Variants in SAMD4A observed in about 807,000 individuals in gnomAD.
The protein encoded by SAMD4A is sterile alpha motif domain containing 4A.
SAMD4A carries 33 observed loss-of-function variants against 81.3 expected under a neutral mutation model. The observed-to-expected ratio is 0.41, with a 90% CI of 0.31 to 0.54. The LOEUF is 0.54. Ranked by LOEUF, SAMD4A falls within the 20% of genes least tolerant of loss-of-function variation. The pLI is 0.37. For missense variants in SAMD4A, 854 were observed against 951.1 expected, an observed-to-expected ratio of 0.90 and a Z score of 1.34; for synonymous variants, 389 against 382.1, an observed-to-expected ratio of 1.02 and a Z score of -0.21.
chr14:54,672,999 T>C (rs1279069002), intron 2 of SAMD4A, among the ~76,000 whole-genome samples: 5 of 152,206 alleles, frequency 3.3e-5, no homozygotes, highest in Non-Finnish European at 5.9e-5. Context: ...TCCAGAGAGG[T>C]ACCTGGGACC....
At chr14:54,735,909 TG>T (rs1363800899) in intron 3 of SAMD4A, among the ~76,000 whole-genome samples, 1 of 152,212 alleles carries the variant, frequency 6.6e-6, no homozygotes, top group Non-Finnish European at 1.5e-5. Context: ...GCCTCATGGA[TG>T]GGGATACAGC....
At chr14:54,566,220 G>C (rs1457615754), upstream of SAMD4A, among the ~76,000 whole-genome samples, 1 of 151,152 alleles carries the variant, frequency 6.6e-6, no homozygotes, top group African/African-American at 2.4e-5. Flanking sequence ...GCCCGCGGCC[G>C]GCGCTCCGGG....
chr14:54,592,429 A>T (rs1047053688), intron 2 of SAMD4A, among the ~76,000 whole-genome samples: 6 of 152,074 alleles, frequency 3.9e-5, no homozygotes, highest in Non-Finnish European at 8.8e-5. Flanking sequence ...TTATTACCGA[A>T]GTGAAACATT....
At chr14:54,776,622 T>C in intron 11 of SAMD4A, 82 bp downstream of exon 11, 1 of 1,368,836 alleles carries the variant, frequency 7.3e-7, no homozygotes, top group Admixed American at 2.9e-5. Context: ...AGAAAGTGCT[T>C]AGCCTCGACT....
chr14:54,740,267 A>G (rs144675438), intron 4 of SAMD4A, among the ~76,000 whole-genome samples: 183 of 152,346 alleles, frequency 1.2e-3, no homozygotes, highest in Non-Finnish European at 2.1e-3. Flanking sequence ...TGGCTCTACA[A>G]TCTTTCTTTT....
intron 2 of SAMD4A, among the ~76,000 whole-genome samples, chr14:54,581,786 A>G (rs1296283993): frequency 6.6e-6 from 1 of 152,244 alleles, no homozygotes; most frequent in African/African-American, 2.4e-5. Context: ...AAAGAGGTAA[A>G]CCTAGATAAA....
intron 2 of SAMD4A, among the ~76,000 whole-genome samples, chr14:54,650,601 GC>G (rs2035382904): frequency 6.6e-6 from 1 of 152,120 alleles, no homozygotes; most frequent in Non-Finnish European, 1.5e-5. Context: ...GGTTTCCCCA[GC>G]CCCCAACTGG....
chr14:54,789,099 C>A lies in SAMD4A; in HGVS notation c.*155C>A. On this transcript the variant is annotated 3_prime_UTR_variant, in exon 13 of 13. Transcript: ENST00000554335. ...GTTTTGATTTTGTGAGAGCGTAGGT[C>A]ATCCTCGTAAACATATCAGTAGACC... 3 of 765,878 alleles carry A rather than the reference C, an allele frequency of 3.9e-6. No individual in the cohort carries two copies. In the South Asian group the frequency reaches 4.6e-5, roughly 12 times the overall value. 47.4% of individuals were successfully genotyped at this position (765,878 alleles called of 1,614,324 possible). A position where few individuals can be genotyped will look rare whatever the true frequency, so the allele number is the denominator to read the frequency against.
chr14:54,566,392 C>T (rs1419717915), upstream of SAMD4A, among the ~76,000 whole-genome samples: 2 of 151,858 alleles, frequency 1.3e-5, no homozygotes, highest in Non-Finnish European at 2.9e-5. Context: ...CCCCCTCCGC[C>T]CGAGAAGTTC....
At position 54,792,774 on chromosome 14, in the gene SAMD4A, T is replaced by C. The variant is rs2039280963; in HGVS notation, c.*3830T>C. The C allele has an allele frequency of 6.6e-6, 1 of 152,190 alleles. No individual in the cohort carries two copies. Among genetic ancestry groups the C allele is most frequent in the Non-Finnish European group, 1.5e-5 (1 of 68,028 alleles). 9.4% of individuals were successfully genotyped at this position (152,190 alleles called of 1,614,324 possible). On this transcript the variant is annotated 3_prime_UTR_variant, in exon 13 of 13. Transcript: ENST00000554335. ...GTTTTATTTTTTTGTAATTCCTTTA[T>C]CTTTACTTAAAGGTGAATGTGTATT...
intron 9 of SAMD4A, 48 bp downstream of exon 9, chr14:54,770,270 C>T: frequency 7.8e-7 from 1 of 1,283,600 alleles, no homozygotes; most frequent in Non-Finnish European, 1.1e-6. Context: ...TCCCCTGGCG[C>T]CTTGTTGCCT....
At chr14:54,598,251 T>C (rs1457408254) in intron 2 of SAMD4A, among the ~76,000 whole-genome samples, 1 of 152,206 alleles carries the variant, frequency 6.6e-6, no homozygotes, top group Non-Finnish European at 1.5e-5. Flanking sequence ...TTGCGTAACA[T>C]AGCTGTTATG....
rs567688801 is a variant in SAMD4A at position 54,621,702 on chromosome 14, A to C, written c.196+53590A>C. Among the ~76,000 whole-genome samples the C allele has an allele frequency of 4.2e-4, 64 of 152,284 alleles. 1 individual carries two copies. The highest frequency in any genetic ancestry group is 7.5e-4 in the Non-Finnish European group (51 of 68,024). On this transcript the variant is annotated intron_variant, in intron 2 of 12. Coordinates refer to ENST00000554335, the MANE Select transcript of SAMD4A (RefSeq NM_015589.6). ...ATGTACATAAGCATTCCCATATTCT[A>C]GACCAGATTCTTTCTTTACTGGTCT...
intron 7 of SAMD4A, among the ~76,000 whole-genome samples, chr14:54,761,332 C>A (rs1418929817): frequency 1.3e-5 from 2 of 152,168 alleles, no homozygotes; most frequent in East Asian, 3.9e-4. Flanking sequence ...TACCACTGTG[C>A]CTTCTTATCA....
Position 54,608,957 on chromosome 14 carries a change from C to T in SAMD4A, c.196+40845C>T, listed in dbSNP as rs142401444. On this transcript the variant is annotated intron_variant, in intron 2 of 12. Coordinates refer to ENST00000554335, the MANE Select transcript of SAMD4A (RefSeq NM_015589.6). ...TCACTTAACAAGAATAAGTAAAAGGCGCTTTTCACATGTCAGAATGTTTTT... is the reference window on the plus strand; with the variant it reads ...TCACTTAACAAGAATAAGTAAAAGGTGCTTTTCACATGTCAGAATGTTTTT... Among the ~76,000 whole-genome samples the T allele has an allele frequency of 1.7e-3, 253 of 152,254 alleles. 1 individual carries two copies. The highest frequency in any genetic ancestry group is 3.1e-3 in the Non-Finnish European group (211 of 68,022).
intron 8 of SAMD4A, among the ~76,000 whole-genome samples, chr14:54,769,465 A>AAC (rs1383328251): frequency 6.6e-6 from 1 of 152,202 alleles, no homozygotes; most frequent in Non-Finnish European, 1.5e-5. Context: ...CAGCAGGCAA[A>AAC]ACACACACAC....
At chr14:54,659,610 A>C (rs1419794064) in intron 2 of SAMD4A, among the ~76,000 whole-genome samples, 1 of 152,058 alleles carries the variant, frequency 6.6e-6, no homozygotes, top group Non-Finnish European at 1.5e-5. Context: ...TGGTTATTCT[A>C]CGTGATGCTT....
chr14:54,645,167 G>A (rs533598784), intron 2 of SAMD4A, among the ~76,000 whole-genome samples: 9 of 152,286 alleles, frequency 5.9e-5, no homozygotes, highest in African/African-American at 2.2e-4. Context: ...AGGACTTAAA[G>A]TGAAAAAGGT....
chr14:54,612,752 A>G (rs2034391543), intron 2 of SAMD4A, among the ~76,000 whole-genome samples: 1 of 152,216 alleles, frequency 6.6e-6, no homozygotes, highest in African/African-American at 2.4e-5. Flanking sequence ...TAAGGGGCTA[A>G]AATTGGCATA....
Sources: allele counts gnomAD v4.1 joint callset (sites outside exome capture counted in the v4.1 genomes callset), GRCh38; gene constraint gnomAD v4.1.1; transcripts MANE v1.5; gene names NCBI Gene and HGNC (gene_info 2026-07-23, HGNC 2026-07-21).